STXBP5L: variants seen among roughly 807,000 people sequenced by gnomAD.
STXBP5L encodes the protein syntaxin-binding protein 5-like.
A neutral mutation model predicts 144.5 loss-of-function variants in STXBP5L; 65 were observed. That is an observed-to-expected ratio of 0.45 (90% confidence interval 0.37 to 0.55). The LOEUF is 0.55. STXBP5L is among the 20% of genes least tolerant of loss of function. STXBP5L has a pLI of 0.00. For synonymous variants in STXBP5L, 505 were observed against 469.6 expected (o/e 1.08, Z -0.97); for missense variants, 1,298 against 1,405.5 (o/e 0.92, Z 1.22).
intron 9 of STXBP5L, among the ~76,000 whole-genome samples, chr3:121,165,334 C>A (rs1381501378): frequency 6.6e-6 from 1 of 152,052 alleles, no homozygotes; most frequent in East Asian, 1.9e-4. Flanking sequence ...ATATATAATT[C>A]CGCATTGGGA....
At chr3:121,144,883 T>C (rs9860056) in intron 7 of STXBP5L, among the ~76,000 whole-genome samples, 3 of 151,822 alleles carry the variant, frequency 2.0e-5, no homozygotes, top group Non-Finnish European at 4.4e-5. Flanking sequence ...GAGGATATTA[T>C]GTGAAGTGAA....
intron 20 of STXBP5L, among the ~76,000 whole-genome samples, chr3:121,355,647 G>T (rs189895135): frequency 6.6e-6 from 1 of 151,954 alleles, no homozygotes; most frequent in Non-Finnish European, 1.5e-5. Flanking sequence ...CCTTTAGCTC[G>T]GAGAAGTTTG....
intron 5 of STXBP5L, among the ~76,000 whole-genome samples, chr3:121,076,706 G>T (rs954547698): frequency 2.0e-5 from 3 of 152,114 alleles, no homozygotes; most frequent in African/African-American, 7.2e-5. Context: ...CTCACAAAGG[G>T]TTCTCAGTTT....
Position 121,419,161 on chromosome 3 carries a change from A to C in STXBP5L, c.*64A>C. The C allele has an allele frequency of 6.8e-7, 1 of 1,470,334 alleles. No homozygotes were observed. 91.1% of individuals were successfully genotyped at this position (1,470,334 alleles called of 1,614,324 possible). A position where few individuals can be genotyped will look rare whatever the true frequency, so the allele number is the denominator to read the frequency against. On this transcript the variant is annotated 3_prime_UTR_variant, in exon 27 of 27. Coordinates refer to ENST00000471454, the MANE Select transcript of STXBP5L (RefSeq NM_001308330.2). ...CAGGGAAACCAAATTTATTCCCAGC[A>C]TCACTACTCAACTGCTAGAAGCCAG...
Position 121,332,614 on chromosome 3 carries a change from G to T in STXBP5L, c.2176+14074G>T, listed in dbSNP as rs143413405. On this transcript the variant is annotated intron_variant, in intron 20 of 26. Transcript: ENST00000471454. Reference sequence around the variant, plus strand: ...TGAACAAAGTCTCCAAGAAATATGGGATTACATAATCCCATGACCAAACTT... The same window carrying T: ...TGAACAAAGTCTCCAAGAAATATGGTATTACATAATCCCATGACCAAACTT... Among the ~76,000 whole-genome samples, 30 of 151,982 alleles carry T rather than the reference G, an allele frequency of 2.0e-4. No individual in the cohort carries two copies. The East Asian group carries it at 5.6e-3, about 28-fold the overall frequency.
chr3:121,005,479 T>C (rs570025004), intron 3 of STXBP5L, among the ~76,000 whole-genome samples: 31 of 152,162 alleles, frequency 2.0e-4, no homozygotes, highest in Non-Finnish European at 3.7e-4. Context: ...TCTATCAATT[T>C]TGTTGATCTT....
chr3:121,184,988 A>T (rs941521299), intron 9 of STXBP5L, among the ~76,000 whole-genome samples: 3 of 152,222 alleles, frequency 2.0e-5, no homozygotes, highest in African/African-American at 7.2e-5. Context: ...AGGAGAAATA[A>T]AATCCTTTAC....
intron 3 of STXBP5L, among the ~76,000 whole-genome samples, chr3:120,985,894 A>G (rs1942243009): frequency 6.6e-6 from 1 of 150,922 alleles, no homozygotes; most frequent in African/African-American, 2.4e-5. Flanking sequence ...GATTTTTTCT[A>G]TTGTTTCTCT....
intron 5 of STXBP5L, among the ~76,000 whole-genome samples, chr3:121,095,322 A>T (rs1388510637): frequency 6.6e-6 from 1 of 152,096 alleles, no homozygotes; most frequent in Admixed American, 6.6e-5. Context: ...CCTGAATTTG[A>T]ATGTTGGCCT....
chr3:121,382,910 A>AATT (rs2046351205), intron 22 of STXBP5L, among the ~76,000 whole-genome samples: 1 of 152,142 alleles, frequency 6.6e-6, no homozygotes, highest in Non-Finnish European at 1.5e-5. Context: ...TCTATTTAAT[A>AATT]AGATTTAATG....
At chr3:121,191,375 CA>C (rs1559846600) in intron 9 of STXBP5L, among the ~76,000 whole-genome samples, 1 of 152,104 alleles carries the variant, frequency 6.6e-6, no homozygotes, top group African/African-American at 2.4e-5. Context: ...CTGTCTCCAC[CA>C]AAAAATATGA....
intron 22 of STXBP5L, among the ~76,000 whole-genome samples, chr3:121,385,506 A>C (rs2046407709): frequency 6.6e-6 from 1 of 152,168 alleles, no homozygotes; most frequent in Admixed American, 6.5e-5. Context: ...TGGAGATTAC[A>C]TTTCAACATG....
intron 2 of STXBP5L, among the ~76,000 whole-genome samples, chr3:120,925,833 A>G (rs1176373429): frequency 6.6e-6 from 1 of 152,144 alleles, no homozygotes; most frequent in Admixed American, 6.5e-5. Flanking sequence ...TGTTATTGCC[A>G]TGAGGCTTAC....
intron 5 of STXBP5L, among the ~76,000 whole-genome samples, chr3:121,097,857 A>G (rs2043209200): frequency 6.6e-6 from 1 of 152,188 alleles, no homozygotes; most frequent in African/African-American, 2.4e-5. Flanking sequence ...AATGGATGCC[A>G]TTACTGAATA....
chr3:121,239,227 CT>C (rs34595981), intron 13 of STXBP5L, 109 bp downstream of exon 13: 1 of 588,032 alleles, frequency 1.7e-6, no homozygotes, highest in Non-Finnish European at 2.7e-6. Context: ...TAACTAAATT[CT>C]TTTTAAGTTA....
intron 3 of STXBP5L, 27 bp from the exon 4 acceptor site, chr3:121,041,673 T>C (rs753024055): frequency 5.2e-6 from 8 of 1,545,986 alleles, no homozygotes; most frequent in Non-Finnish European, 7.1e-6. Context: ...ATTAAAATGT[T>C]AGAATCCTTG....
At chr3:121,100,787 A>G (rs1314884845) in intron 5 of STXBP5L, among the ~76,000 whole-genome samples, 1 of 151,954 alleles carries the variant, frequency 6.6e-6, no homozygotes, top group Non-Finnish European at 1.5e-5. Context: ...AATCCACACA[A>G]TATATCGACA....
intron 15 of STXBP5L, among the ~76,000 whole-genome samples, chr3:121,253,603 A>G (rs548469728): frequency 5.4e-5 from 8 of 148,046 alleles, no homozygotes; most frequent in African/African-American, 1.8e-4. Context: ...ATATATGTGT[A>G]TATATATGTA....
chr3:121,412,092 T>C (rs1450444788), intron 23 of STXBP5L, among the ~76,000 whole-genome samples: 1 of 152,160 alleles, frequency 6.6e-6, no homozygotes, highest in Non-Finnish European at 1.5e-5. Flanking sequence ...TTAAGACCCA[T>C]GTCCAGGAAC....
Sources: allele counts gnomAD v4.1 joint callset (sites outside exome capture counted in the v4.1 genomes callset), GRCh38; gene constraint gnomAD v4.1.1; transcripts MANE v1.5; gene names NCBI Gene and HGNC (gene_info 2026-07-23, HGNC 2026-07-21).